TPRX1: variants seen among roughly 807,000 people sequenced by gnomAD.
The protein encoded by TPRX1 is tetrapeptide repeat homeobox 1.
A neutral mutation model predicts 8.1 loss-of-function variants in TPRX1; 2 were observed. The ratio of observed to expected loss-of-function variants is 0.25; its 90% CI spans 0.10 to 0.78. The LOEUF (loss-of-function observed/expected upper bound fraction) is 0.78, where lower values mean the gene tolerates loss of function less well. Ranked by LOEUF, TPRX1 falls within the 30% of genes least tolerant of loss-of-function variation. The pLI is 0.70. For synonymous variants in TPRX1, 257 were observed against 254.1 expected, an observed-to-expected ratio of 1.01 and a Z score of -0.11; for missense variants, 517 against 586.9, an observed-to-expected ratio of 0.88 and a Z score of 1.23.
intron 2 of TPRX1, among the ~76,000 whole-genome samples, chr19:47,813,860 C>T (rs975936699): frequency 2.0e-5 from 3 of 149,640 alleles, no homozygotes; most frequent in African/African-American, 7.3e-5. Flanking sequence ...AGAGAGGCGT[C>T]GCTGGGGAGA....
At chr19:47,808,477 G>A (rs1967754636) in intron 2 of TPRX1, among the ~76,000 whole-genome samples, 1 of 151,066 alleles carries the variant, frequency 6.6e-6, no homozygotes, top group African/African-American at 2.4e-5. Context: ...CCAGACTAAA[G>A]TGCAGTGGCT....
At chr19:47,806,756 C>A (rs893443574) in intron 2 of TPRX1, among the ~76,000 whole-genome samples, 7 of 152,022 alleles carry the variant, frequency 4.6e-5, no homozygotes, top group African/African-American at 1.7e-4. Flanking sequence ...AGACAGAAAG[C>A]AGATTAGTGG....
At chr19:47,808,003 C>A (rs1308290997) in intron 2 of TPRX1, among the ~76,000 whole-genome samples, 1 of 152,088 alleles carries the variant, frequency 6.6e-6, no homozygotes, top group Admixed American at 6.6e-5. Flanking sequence ...AATCGAAACT[C>A]ACTGCAACCT....
chr19:47,807,642 G>A (rs1967746919), intron 2 of TPRX1, among the ~76,000 whole-genome samples: 1 of 152,082 alleles, frequency 6.6e-6, no homozygotes, highest in Admixed American at 6.6e-5. Context: ...CAAAGTGCTG[G>A]GATTACAGGC....
At chr19:47,811,687 T>TG (rs1432424167) in intron 2 of TPRX1, among the ~76,000 whole-genome samples, 1 of 150,570 alleles carries the variant, frequency 6.6e-6, no homozygotes, top group African/African-American at 2.4e-5. Context: ...ATAGTAGAGA[T>TG]GGGGTTTCAC....
chr19:47,808,492 A>C lies in TPRX1; in HGVS notation c.152-4819T>G, dbSNP rs115957480. 7.9e-3 allele frequency among the ~76,000 whole-genome samples: 1,185 copies of C among 150,914 alleles called. 15 individuals are homozygous for C. Among genetic ancestry groups the C allele is most frequent in the African/African-American group, 0.026 (1,084 of 41,146 alleles). Reference sequence around the variant, plus strand: ...CCAGACTAAAGTGCAGTGGCTCTGCACTTTAATGCAGATATCGGCTCACTG... The same window carrying C: ...CCAGACTAAAGTGCAGTGGCTCTGCCCTTTAATGCAGATATCGGCTCACTG... On this transcript the variant is annotated intron_variant, in intron 2 of 3. Transcript: ENST00000535759.
At chr19:47,816,707 A>G (rs1332124038) in intron 2 of TPRX1, among the ~76,000 whole-genome samples, 1 of 149,558 alleles carries the variant, frequency 6.7e-6, no homozygotes, top group Non-Finnish European at 1.5e-5. Flanking sequence ...TATTTTTTGT[A>G]TTTTTTAGTA....
chr19:47,806,886 A>C (rs1404846289), intron 2 of TPRX1, among the ~76,000 whole-genome samples: 1 of 152,032 alleles, frequency 6.6e-6, no homozygotes, highest in Non-Finnish European at 1.5e-5. Context: ...ACAACTCTGC[A>C]AACAGACTAA....
exon 4 of TPRX1, chr19:47,801,748 C>A (rs35445888): frequency 0.022 from 33,241 of 1,542,418 alleles, 439 homozygotes; most frequent in Non-Finnish European, 0.026. Flanking sequence ...CCTCTGGGAT[C>A]TGAAGAACTT....
At chr19:47,813,754 C>T (rs1487755512) in intron 2 of TPRX1, among the ~76,000 whole-genome samples, 1 of 152,000 alleles carries the variant, frequency 6.6e-6, no homozygotes, top group Admixed American at 6.6e-5. Context: ...GTCTGTCCCC[C>T]AACCCCCAAA....
chr19:47,811,666 T>G (rs1037902184), intron 2 of TPRX1, among the ~76,000 whole-genome samples: 2 of 150,728 alleles, frequency 1.3e-5, no homozygotes, highest in Non-Finnish European at 3.0e-5. Flanking sequence ...GCCCAGCTAA[T>G]TTTTGTATTT....
chr19:47,817,291 G>A (rs1188873507), intron 2 of TPRX1, among the ~76,000 whole-genome samples: 1 of 152,180 alleles, frequency 6.6e-6, no homozygotes, highest in African/African-American at 2.4e-5. Context: ...TAACTCCATG[G>A]AAACTTCCTC....
chr19:47,814,213 G>A (rs569082235), intron 2 of TPRX1, among the ~76,000 whole-genome samples: 1 of 151,946 alleles, frequency 6.6e-6, no homozygotes, highest in Admixed American at 6.6e-5. Context: ...CCACCACTAC[G>A]CAGAGCATAT....
At chr19:47,818,882 A>C (rs1342043427) in intron 1 of TPRX1, 6 of 264,572 alleles carry the variant, frequency 2.3e-5, no homozygotes, top group African/African-American at 1.1e-4. Context: ...TCCTAATGCT[A>C]TTCCTCCCCC....
intron 2 of TPRX1, among the ~76,000 whole-genome samples, chr19:47,813,978 G>A (rs1057202085): frequency 2.0e-5 from 3 of 151,222 alleles, no homozygotes; most frequent in African/African-American, 7.3e-5. Flanking sequence ...GGGGTGGGGA[G>A]AGGCAGGGAG....
chr19:47,807,386 T>G (rs951619587), intron 2 of TPRX1, among the ~76,000 whole-genome samples: 6 of 152,080 alleles, frequency 3.9e-5, no homozygotes, highest in African/African-American at 9.7e-5. Flanking sequence ...ATTAAATTTA[T>G]TTATGTATTT....
Position 47,815,119 on chromosome 19 carries a change from T to TATATATATATATATATATGCAA in TPRX1, c.151+3348_151+3349insTTGCATATATATATATATATAT, listed in dbSNP as rs1555799993. On this transcript the variant is annotated intron_variant, in intron 2 of 3. Coordinates refer to ENST00000535759, the Ensembl canonical transcript of TPRX1. Reference sequence around the variant, plus strand: ...TAGCTCAATAAATAGATAAATTATATATATATATATATATATATATATATG... The same window carrying TATATATATATATATATATGCAA: ...TAGCTCAATAAATAGATAAATTATATATATATATATATATATATGCAAATATATATATATATATATATATATG... 7.1e-3 allele frequency among the ~76,000 whole-genome samples: 552 copies of TATATATATATATATATATGCAA among 78,020 alleles called. 18 individuals carry two copies. Among genetic ancestry groups the TATATATATATATATATATGCAA allele is most frequent in the African/African-American group, 0.021 (396 of 18,508 alleles). The allele number at this position is 78,020 out of a possible 152,430, so 51.2% of individuals were successfully genotyped here.
At chr19:47,813,400 C>T (rs1967802893) in intron 2 of TPRX1, among the ~76,000 whole-genome samples, 1 of 152,128 alleles carries the variant, frequency 6.6e-6, no homozygotes, top group South Asian at 2.1e-4. Context: ...CAAAAAGCCA[C>T]ATGCCAAGAA....
intron 2 of TPRX1, among the ~76,000 whole-genome samples, chr19:47,810,912 CTTG>C (rs1013747922): frequency 3.2e-4 from 47 of 147,928 alleles, no homozygotes; most frequent in African/African-American, 1.1e-3. Context: ...TTTCTAGAAT[CTTG>C]TTGTTCAATG....
Sources: allele counts gnomAD v4.1 joint callset (sites outside exome capture counted in the v4.1 genomes callset), GRCh38; gene constraint gnomAD v4.1.1; transcripts MANE v1.5; gene names NCBI Gene and HGNC (gene_info 2026-07-23, HGNC 2026-07-21).